Variants in SLC25A26 observed in about 807,000 individuals in gnomAD.
SLC25A26 encodes solute carrier family 25 member 26, also known as mitochondrial S-adenosylmethionine carrier protein.
In SLC25A26, 36 loss-of-function variants were observed where a neutral mutation model predicts 37.8. That is an observed-to-expected ratio of 0.95 (90% confidence interval 0.73 to 1.26). The LOEUF (loss-of-function observed/expected upper bound fraction) is 1.26, where lower values mean the gene tolerates loss of function less well. Among genes scored for constraint, SLC25A26 ranks in the 50% most tolerant of loss-of-function variants. SLC25A26 has a pLI of 0.00. For missense variants in SLC25A26, 390 were observed against 331.1 expected (o/e 1.18, Z -1.38); for synonymous variants, 129 against 122.5 (o/e 1.05, Z -0.35).
chr3:66,231,485 CTTG>C (rs1355504702), intron 1 of SLC25A26, among the ~76,000 whole-genome samples: 1 of 151,526 alleles, frequency 6.6e-6, no homozygotes, highest in Non-Finnish European at 1.5e-5. Context: ...ATTAATAATT[CTTG>C]TTATTTAAAA....
chr3:66,203,934 A>G (rs2071140449), intron 1 of SLC25A26, among the ~76,000 whole-genome samples: 2 of 152,168 alleles, frequency 1.3e-5, no homozygotes, highest in Non-Finnish European at 2.9e-5. Context: ...TGTATTCCCT[A>G]TTCCAAATTT....
intron 5 of SLC25A26, among the ~76,000 whole-genome samples, chr3:66,276,390 G>C (rs2074147635): frequency 2.0e-5 from 3 of 152,080 alleles, no homozygotes; most frequent in Admixed American, 2.0e-4. Flanking sequence ...GAATTTTTCA[G>C]TAAATCCTAA....
At chr3:66,279,592 C>T (rs1044532849) in intron 5 of SLC25A26, among the ~76,000 whole-genome samples, 3 of 152,062 alleles carry the variant, frequency 2.0e-5, no homozygotes, top group South Asian at 2.1e-4. Flanking sequence ...TAAAGACAGC[C>T]GATGATAACC....
intron 5 of SLC25A26, among the ~76,000 whole-genome samples, chr3:66,298,551 T>G (rs1412673515): frequency 6.6e-6 from 1 of 152,254 alleles, no homozygotes; most frequent in Non-Finnish European, 1.5e-5. Flanking sequence ...CATTAAGAAT[T>G]AATTTGCTTG....
chr3:66,269,602 C>G (rs2073883312), intron 5 of SLC25A26, among the ~76,000 whole-genome samples: 1 of 152,166 alleles, frequency 6.6e-6, no homozygotes, highest in Admixed American at 6.5e-5. Flanking sequence ...GGAGATTGCA[C>G]CAGTTGGATG....
At chr3:66,221,249 C>G in intron 1 of SLC25A26, 122 bp downstream of exon 1, 1 of 1,108,938 alleles carries the variant, frequency 9.0e-7, no homozygotes, top group Non-Finnish European at 1.2e-6. Context: ...GGGTTACTGG[C>G]AGCCAGGTCT....
intron 1 of SLC25A26, among the ~76,000 whole-genome samples, chr3:66,172,563 T>G (rs1383545189): frequency 6.6e-6 from 1 of 152,142 alleles, no homozygotes; most frequent in African/African-American, 2.4e-5. Flanking sequence ...GGGGCTGTCA[T>G]AGCAAAGTGC....
At chr3:66,253,723 G>A (rs1305732519) in intron 3 of SLC25A26, among the ~76,000 whole-genome samples, 1 of 152,164 alleles carries the variant, frequency 6.6e-6, no homozygotes, top group Non-Finnish European at 1.5e-5. Context: ...GCCACTAAAT[G>A]TGTGGTGATT....
chr3:66,155,431 T>G (rs1345339608), intron 1 of SLC25A26, among the ~76,000 whole-genome samples: 1 of 152,208 alleles, frequency 6.6e-6, no homozygotes, highest in Non-Finnish European at 1.5e-5. Flanking sequence ...AAGGATCACT[T>G]GAGCCCAGGA....
chr3:66,323,003 T>C (rs1264076786), intron 5 of SLC25A26, among the ~76,000 whole-genome samples: 1 of 146,622 alleles, frequency 6.8e-6, no homozygotes, highest in East Asian at 1.9e-4. Context: ...TAAGGTATTA[T>C]AAAACTCATT....
intron 3 of SLC25A26, among the ~76,000 whole-genome samples, chr3:66,247,011 G>T (rs1307315247): frequency 6.6e-6 from 1 of 151,938 alleles, no homozygotes; most frequent in Admixed American, 6.6e-5. Context: ...ACAGGCACCC[G>T]CCACCACACC....
At chr3:66,274,100 T>C (rs1257660117) in intron 5 of SLC25A26, among the ~76,000 whole-genome samples, 22 of 151,764 alleles carry the variant, frequency 1.4e-4, no homozygotes, top group African/African-American at 3.6e-4. Flanking sequence ...AGGCCGCATA[T>C]CTACAACTAT....
In SLC25A26 at chr3:66,142,847, C is replaced by T. The variant is rs59000160; in HGVS notation, c.-354+8863C>T. On this transcript the variant is annotated intron_variant, in intron 1 of 10. Transcript: ENST00000676754. ...GGTGTGATCTTAGCTTGCTGTAACC[C>T]CAAATTCCTGGGCTCAAGCAGTCCT... Among the ~76,000 whole-genome samples the T allele has an allele frequency of 7.7e-3, 1,171 of 152,102 alleles. 14 individuals are homozygous for T. Among genetic ancestry groups the T allele is most frequent in the African/African-American group, 0.027 (1,108 of 41,488 alleles).
intron 1 of SLC25A26, among the ~76,000 whole-genome samples, chr3:66,188,785 G>A (rs1484706231): frequency 1.3e-5 from 2 of 151,812 alleles, no homozygotes; most frequent in Non-Finnish European, 2.9e-5. Context: ...TAACACCCTG[G>A]CACTGTATCT....
At chr3:66,354,859 C>T (rs971247137) in intron 6 of SLC25A26, among the ~76,000 whole-genome samples, 1 of 152,192 alleles carries the variant, frequency 6.6e-6, no homozygotes, top group Non-Finnish European at 1.5e-5. Flanking sequence ...TCTCTCTCTG[C>T]CTGCCGCCAT....
chr3:66,313,416 G>A (rs149087323), intron 5 of SLC25A26, among the ~76,000 whole-genome samples: 3,327 of 152,250 alleles, frequency 0.022, 41 homozygotes, highest in African/African-American at 0.033. Context: ...GTTTCTCAAA[G>A]ATCAGATGGT....
chr3:66,346,482 G>C (rs1304407068), intron 6 of SLC25A26, 74 bp downstream of exon 6: 2 of 781,128 alleles, frequency 2.6e-6, no homozygotes, highest in Admixed American at 7.0e-5. Flanking sequence ...TGGAAGAGTA[G>C]AACATAATGT....
intron 1 of SLC25A26, among the ~76,000 whole-genome samples, chr3:66,212,256 T>G (rs1379852276): frequency 6.6e-6 from 1 of 151,926 alleles, no homozygotes; most frequent in Non-Finnish European, 1.5e-5. Flanking sequence ...GGACTACAGG[T>G]GCACACCACC....
intron 5 of SLC25A26, among the ~76,000 whole-genome samples, chr3:66,292,674 G>A (rs751296185): frequency 6.6e-6 from 1 of 152,190 alleles, no homozygotes; most frequent in Non-Finnish European, 1.5e-5. Flanking sequence ...CTGTTAGTCT[G>A]ATGGCTTCCC....
Sources: allele counts gnomAD v4.1 joint callset (sites outside exome capture counted in the v4.1 genomes callset), GRCh38; gene constraint gnomAD v4.1.1; transcripts MANE v1.5; gene names NCBI Gene and HGNC (gene_info 2026-07-23, HGNC 2026-07-21).